The following GSAP variants were observed in gnomAD, a reference collection of about 807,000 sequenced individuals.
GSAP encodes the protein gamma-secretase-activating protein.
GSAP carries 118 observed loss-of-function variants against 131.7 expected under a neutral mutation model. The observed-to-expected ratio is 0.90, with a 90% CI of 0.77 to 1.04. The LOEUF (loss-of-function observed/expected upper bound fraction) is 1.04, where lower values mean the gene tolerates loss of function less well. GSAP is among the 50% of genes least tolerant of loss of function. The pLI, the probability that GSAP is intolerant of heterozygous loss-of-function variation, is 0.00. For synonymous variants in GSAP, 381 were observed against 363.4 expected (o/e 1.05, Z -0.55); for missense variants, 1,019 against 1,013.2 (o/e 1.01, Z -0.08).
intron 8 of GSAP, chr7:77,379,870 A>T: frequency 4.1e-6 from 4 of 985,020 alleles, no homozygotes; most frequent in Non-Finnish European, 4.8e-6. Flanking sequence ...TTTTCCAGCC[A>T]GGCTTCTTGA....
At chr7:77,405,637 A>G (rs1023326668) in intron 2 of GSAP, among the ~76,000 whole-genome samples, 5 of 152,216 alleles carry the variant, frequency 3.3e-5, no homozygotes, top group Admixed American at 6.5e-5. Flanking sequence ...TCCTGGGTTC[A>G]AGCGATTCTC....
chr7:77,316,195 G>A (rs1794949895), intron 26 of GSAP: 1 of 152,228 alleles, frequency 6.6e-6, no homozygotes, highest in Admixed American at 6.5e-5. Context: ...ACGTGGATAA[G>A]AGGTAATGGA....
chr7:77,363,829 C>T (rs977028137), intron 12 of GSAP, among the ~76,000 whole-genome samples: 3 of 152,098 alleles, frequency 2.0e-5, no homozygotes, highest in Admixed American at 2.0e-4. Context: ...TTACTGAGCA[C>T]ACAATAACAA....
In GSAP at chr7:77,402,737, G is replaced by C. The variant is rs184650358; in HGVS notation, c.243+1822C>G. 5.5e-3 allele frequency among the ~76,000 whole-genome samples: 825 copies of C among 148,736 alleles called. 1 individual carries two copies. The highest frequency in any genetic ancestry group is 9.3e-3 in the Non-Finnish European group (628 of 67,600). On this transcript the variant is annotated intron_variant, in intron 3 of 30. Transcript: ENST00000257626. Reference sequence around the variant, plus strand: ...AAGGGTTGTGCCTACGTGGAGAAGAGATGGGAGAAGGGGAGGGTTTGTTTA... The same window carrying C: ...AAGGGTTGTGCCTACGTGGAGAAGACATGGGAGAAGGGGAGGGTTTGTTTA...
intron 5 of GSAP, among the ~76,000 whole-genome samples, chr7:77,390,463 A>C (rs938449450): frequency 2.0e-5 from 3 of 152,128 alleles, no homozygotes; most frequent in African/African-American, 4.8e-5. Flanking sequence ...ATTTTTGTAT[A>C]AGGTGTAAGG....
At chr7:77,394,483 A>G (rs954742218) in intron 5 of GSAP, among the ~76,000 whole-genome samples, 3 of 152,174 alleles carry the variant, frequency 2.0e-5, no homozygotes, top group Non-Finnish European at 2.9e-5. Flanking sequence ...CCCCAGATAA[A>G]TTAATTGGAC....
intron 18 of GSAP, chr7:77,351,792 G>A (rs1792900485): frequency 1.1e-6 from 1 of 871,822 alleles, no homozygotes; most frequent in Non-Finnish European, 1.4e-6. Context: ...GGGAACCAGT[G>A]GTCCCAGCTG....
At chr7:77,313,168 C>A (rs972572964) in intron 28 of GSAP, among the ~76,000 whole-genome samples, 3 of 152,194 alleles carry the variant, frequency 2.0e-5, no homozygotes, top group Admixed American at 2.0e-4. Flanking sequence ...TGTTTAAATG[C>A]CAAAAGCACG....
chr7:77,333,656 G>T (rs111919634), intron 19 of GSAP, among the ~76,000 whole-genome samples: 1 of 152,188 alleles, frequency 6.6e-6, no homozygotes, highest in Non-Finnish European at 1.5e-5. Context: ...GCTGTCTAAA[G>T]ACTTCTGATT....
intron 20 of GSAP, 135 bp from the exon 21 acceptor site, chr7:77,329,526 AT>A (rs996167099): frequency 1.2e-5 from 5 of 424,888 alleles, no homozygotes; most frequent in Admixed American, 4.5e-5. Flanking sequence ...GAACACCTAG[AT>A]TTTTTTTAAA....
intron 24 of GSAP, among the ~76,000 whole-genome samples, chr7:77,322,976 A>C (rs1195224256): frequency 6.6e-6 from 1 of 152,126 alleles, no homozygotes; most frequent in Non-Finnish European, 1.5e-5. Flanking sequence ...ATTTGGAGAA[A>C]TAATGGAGTG....
At chr7:77,402,079 C>G (rs1467635431) in intron 3 of GSAP, among the ~76,000 whole-genome samples, 2 of 152,052 alleles carry the variant, frequency 1.3e-5, no homozygotes, top group Admixed American at 6.6e-5. Flanking sequence ...CATTACTCTA[C>G]TAGTTTTATC....
intron 5 of GSAP, among the ~76,000 whole-genome samples, chr7:77,390,606 A>G (rs1799315148): frequency 1.3e-5 from 2 of 152,082 alleles, no homozygotes; most frequent in African/African-American, 2.4e-5. Context: ...GATATGCAGC[A>G]TTATATCTGA....
intron 3 of GSAP, among the ~76,000 whole-genome samples, chr7:77,402,418 A>G (rs1184886465): frequency 1.4e-5 from 2 of 146,408 alleles, no homozygotes; most frequent in Non-Finnish European, 3.0e-5. Flanking sequence ...AAAAATATAT[A>G]TATATACACA....
intron 2 of GSAP, among the ~76,000 whole-genome samples, chr7:77,405,401 T>C (rs1214068937): frequency 6.6e-6 from 1 of 152,234 alleles, no homozygotes; most frequent in Non-Finnish European, 1.5e-5. Flanking sequence ...TGTTAACATA[T>C]TAATTAGGTT....
chr7:77,394,236 A>AT (rs1164235071), intron 5 of GSAP, among the ~76,000 whole-genome samples: 4 of 152,178 alleles, frequency 2.6e-5, no homozygotes, highest in Non-Finnish European at 5.9e-5. Context: ...TACGTGATCC[A>AT]TCTGCACCTC....
chr7:77,390,589 A>G (rs548192744), intron 5 of GSAP, among the ~76,000 whole-genome samples: 1 of 152,124 alleles, frequency 6.6e-6, no homozygotes, highest in African/African-American at 2.4e-5. Context: ...AAGATCAGAT[A>G]GTTGTAGATA....
chr7:77,318,417 T>TA (rs1344729531), intron 26 of GSAP, among the ~76,000 whole-genome samples: 1 of 152,244 alleles, frequency 6.6e-6, no homozygotes, highest in African/African-American at 2.4e-5. Context: ...GTATCATATA[T>TA]ATGTTGGCCT....
chr7:77,320,648 T>A (rs1191091179), intron 26 of GSAP, 77 bp downstream of exon 26: 3 of 846,384 alleles, frequency 3.5e-6, no homozygotes, highest in Non-Finnish European at 6.0e-6. Flanking sequence ...ATCAAACTTA[T>A]AATGTACCAA....
Sources: gnomAD v4.1 joint callset for allele counts (sites outside exome capture counted in the v4.1 genomes callset) on GRCh38, gnomAD v4.1.1 for gene constraint, MANE v1.5 for transcripts, NCBI Gene and HGNC (gene_info 2026-07-23, HGNC 2026-07-21) for gene names.